The following TMOD2 variants were observed in gnomAD, a reference collection of about 807,000 sequenced individuals.
The protein encoded by TMOD2 is tropomodulin-2.
Under a neutral mutation model 39.9 loss-of-function variants are expected in TMOD2, and 22 were observed. The observed-to-expected ratio is 0.55, with a 90% CI of 0.39 to 0.79. TMOD2 has a LOEUF of 0.79. Ranked by LOEUF, TMOD2 falls within the 30% of genes least tolerant of loss-of-function variation. The pLI is 0.00. For synonymous variants in TMOD2, 123 were observed against 146.1 expected (o/e 0.84, Z 1.14); for missense variants, 386 against 413.3 (o/e 0.93, Z 0.57).
At chr15:51,768,803 T>C (rs888192213) in intron 3 of TMOD2, among the ~76,000 whole-genome samples, 3 of 152,194 alleles carry the variant, frequency 2.0e-5, no homozygotes, top group Middle Eastern at 3.4e-3. Flanking sequence ...AATAAGCCCA[T>C]GAACTGGATT....
intron 7 of TMOD2, chr15:51,784,730 T>C (rs574405261): frequency 1.3e-5 from 2 of 152,358 alleles, no homozygotes; most frequent in East Asian, 1.9e-4. Context: ...CTCTGTATGA[T>C]TTTGTACTAT....
chr15:51,773,584 C>G (rs2055867671), intron 3 of TMOD2, 128 bp from the exon 4 acceptor site: 1 of 860,290 alleles, frequency 1.2e-6, no homozygotes, highest in African/African-American at 1.7e-5. Flanking sequence ...ATCCAGGAAT[C>G]TCGGTTGGAT....
intron 6 of TMOD2, 57 bp downstream of exon 6, chr15:51,781,231 C>G: frequency 1.4e-6 from 2 of 1,478,418 alleles, no homozygotes; most frequent in South Asian, 2.6e-5. Context: ...AGAAAACTTA[C>G]CAGAGATGAC....
chr15:51,767,978 G>T (rs2055827163), intron 2 of TMOD2, among the ~76,000 whole-genome samples: 1 of 152,212 alleles, frequency 6.6e-6, no homozygotes, highest in African/African-American at 2.4e-5. Flanking sequence ...CAAGGAAAGA[G>T]GTCTTTTGCC....
chr15:51,752,170 C>T (rs1239467524), intron 1 of TMOD2, among the ~76,000 whole-genome samples: 2 of 152,068 alleles, frequency 1.3e-5, no homozygotes, highest in Non-Finnish European at 2.9e-5. Context: ...GTGGACTGGC[C>T]GGCGTCTTTC....
At chr15:51,793,173 C>G (rs930290643) in intron 7 of TMOD2, among the ~76,000 whole-genome samples, 1 of 152,054 alleles carries the variant, frequency 6.6e-6, no homozygotes, top group African/African-American at 2.4e-5. Context: ...GATAAAACTA[C>G]TGTAAATTGA....
chr15:51,779,842 G>A (rs996611561), intron 5 of TMOD2, among the ~76,000 whole-genome samples: 9 of 152,014 alleles, frequency 5.9e-5, no homozygotes, highest in African/African-American at 1.5e-4. Flanking sequence ...CATTACACCT[G>A]GCTAATTTTT....
chr15:51,761,002 G>A (rs1038353638), intron 1 of TMOD2, among the ~76,000 whole-genome samples: 1 of 152,082 alleles, frequency 6.6e-6, no homozygotes, highest in African/African-American at 2.4e-5. Flanking sequence ...AAAACAGGAA[G>A]TGCAGGTTAA....
intron 5 of TMOD2, among the ~76,000 whole-genome samples, chr15:51,780,065 A>G (rs777283274): frequency 2.6e-5 from 4 of 152,188 alleles, no homozygotes; most frequent in African/African-American, 9.6e-5. Context: ...ATATTGGTGG[A>G]CATTTTGTTT....
At chr15:51,790,013 G>A (rs1200218912) in intron 7 of TMOD2, among the ~76,000 whole-genome samples, 1 of 152,064 alleles carries the variant, frequency 6.6e-6, no homozygotes, top group African/African-American at 2.4e-5. Flanking sequence ...TAAGATCAGA[G>A]AAGAACTGAA....
At chr15:51,797,352 G>A (rs183127239) in intron 7 of TMOD2, among the ~76,000 whole-genome samples, 3 of 152,300 alleles carry the variant, frequency 2.0e-5, no homozygotes, top group African/African-American at 4.8e-5. Flanking sequence ...GAGGGATAGT[G>A]TACTCTCCAT....
At chr15:51,795,580 T>TGC (rs1291986363) in intron 7 of TMOD2, among the ~76,000 whole-genome samples, 40 of 16,236 alleles carry the variant, frequency 2.5e-3, no homozygotes, top group East Asian at 0.018. Flanking sequence ...CTTGCTTGCT[T>TGC]TCTTTCTTTC....
At chr15:51,772,744 C>G (rs928183032) in intron 3 of TMOD2, among the ~76,000 whole-genome samples, 4 of 152,072 alleles carry the variant, frequency 2.6e-5, no homozygotes, top group Admixed American at 2.6e-4. Context: ...GTCCCCAGGT[C>G]ACTACACTAG....
chr15:51,752,266 T>C (rs1238333711), intron 1 of TMOD2, among the ~76,000 whole-genome samples: 1 of 152,140 alleles, frequency 6.6e-6, no homozygotes, highest in Non-Finnish European at 1.5e-5. Context: ...CTTATTATTA[T>C]TGTTATTACT....
chr15:51,804,232 A>G (rs1300400669), intron 8 of TMOD2, among the ~76,000 whole-genome samples: 1 of 152,254 alleles, frequency 6.6e-6, no homozygotes. Flanking sequence ...TAAATACACT[A>G]TGATCCATCA....
intron 4 of TMOD2, among the ~76,000 whole-genome samples, chr15:51,775,563 CTTTTTCCTTTT>C (rs1490852850): frequency 1.9e-4 from 18 of 96,512 alleles, no homozygotes; most frequent in Admixed American, 1.1e-3. Flanking sequence ...GTGACAAATT[CTTTTTCCTTTT>C]TTTTTTTTTT....
intron 1 of TMOD2, among the ~76,000 whole-genome samples, chr15:51,757,848 A>C (rs574897426): frequency 6.6e-6 from 1 of 152,202 alleles, no homozygotes; most frequent in Non-Finnish European, 1.5e-5. Context: ...CAGTATTTCT[A>C]TATTTGCTTT....
At chr15:51,758,890 G>A (rs2055760441) in intron 1 of TMOD2, among the ~76,000 whole-genome samples, 2 of 152,196 alleles carry the variant, frequency 1.3e-5, no homozygotes, top group Admixed American at 6.5e-5. Context: ...ATTGGAATTG[G>A]GCCAGGAGGC....
At chr15:51,798,745 A>G (rs904169667) in intron 8 of TMOD2, among the ~76,000 whole-genome samples, 2 of 152,246 alleles carry the variant, frequency 1.3e-5, no homozygotes, top group African/African-American at 4.8e-5. Flanking sequence ...CAGAGAAAGC[A>G]GGGTAGCCGT....
Sources: gnomAD v4.1 joint callset for allele counts (sites outside exome capture counted in the v4.1 genomes callset) on GRCh38, gnomAD v4.1.1 for gene constraint, MANE v1.5 for transcripts, NCBI Gene and HGNC (gene_info 2026-07-23, HGNC 2026-07-21) for gene names.